The following MARK3 variants were observed in gnomAD, a reference collection of about 807,000 sequenced individuals.
MARK3 encodes microtubule affinity regulating kinase 3.
MARK3 carries 46 observed loss-of-function variants against 90.1 expected under a neutral mutation model. That is an observed-to-expected ratio of 0.51 (90% confidence interval 0.40 to 0.65). The LOEUF (loss-of-function observed/expected upper bound fraction) is 0.65, where lower values mean the gene tolerates loss of function less well. Among genes scored for constraint, MARK3 ranks in the 30% least tolerant of loss-of-function variants. The probability of loss-of-function intolerance (pLI) is 0.00; values close to 1 mark genes in which losing one functional copy is unlikely to be tolerated. For synonymous variants in MARK3, 321 were observed against 332.6 expected (o/e 0.97, Z 0.38); for missense variants, 818 against 947.2 (o/e 0.86, Z 1.79).
chr14:103,394,154 A>G (rs2090439384), intron 1 of MARK3, among the ~76,000 whole-genome samples: 1 of 152,244 alleles, frequency 6.6e-6, no homozygotes, highest in African/African-American at 2.4e-5. Flanking sequence ...TTAAAAAAGA[A>G]AAAGGAGTCA....
chr14:103,476,321 A>G (rs1171809246), intron 13 of MARK3, among the ~76,000 whole-genome samples: 2 of 152,204 alleles, frequency 1.3e-5, no homozygotes, highest in African/African-American at 4.8e-5. Flanking sequence ...CTGAGTCTTC[A>G]AAGAGCTCTA....
intron 13 of MARK3, among the ~76,000 whole-genome samples, chr14:103,479,553 T>A (rs149612468): frequency 1.5e-4 from 23 of 152,104 alleles, no homozygotes; most frequent in African/African-American, 5.5e-4. Context: ...TAGTACCTCA[T>A]GCTTTTGATT....
rs2089745122 is a variant in MARK3, at chr14:103,385,878, C to G, written c.-152C>G. 3 of 622,628 alleles carry G rather than the reference C, an allele frequency of 4.8e-6. No individual in the cohort carries two copies. The highest frequency in any genetic ancestry group is 5.6e-5 in the Admixed American group (2 of 35,990). The allele number at this position is 622,628 out of a possible 1,614,324, so 38.6% of individuals were successfully genotyped here. On this transcript the variant is annotated 5_prime_UTR_variant, in exon 1 of 18. Transcript: ENST00000429436. Reference sequence around the variant, plus strand: ...GCCGGGGGACGGCCCGGGCCAGGCCCGGGATCTAGACGGCCGTAGGGGGAA... The same window carrying G: ...GCCGGGGGACGGCCCGGGCCAGGCCGGGGATCTAGACGGCCGTAGGGGGAA...
intron 1 of MARK3, among the ~76,000 whole-genome samples, chr14:103,391,318 A>G (rs993945679): frequency 3.3e-5 from 5 of 152,188 alleles, no homozygotes; most frequent in African/African-American, 4.8e-5. Flanking sequence ...TCAGTGGCCA[A>G]TCTTATTTCA....
chr14:103,485,144 C>T (rs112700426), intron 14 of MARK3, among the ~76,000 whole-genome samples: 37,373 of 145,984 alleles, frequency 0.26, 6,038 homozygotes, highest in Middle Eastern at 0.44. Flanking sequence ...GCAGGAGAAT[C>T]GCTTGAACCC....
intron 2 of MARK3, among the ~76,000 whole-genome samples, chr14:103,406,263 G>A (rs1282469946): frequency 6.6e-6 from 1 of 151,824 alleles, no homozygotes. Flanking sequence ...TTGCCCTGTA[G>A]CCCAGGCCTG....
intron 3 of MARK3, among the ~76,000 whole-genome samples, chr14:103,442,369 CA>C (rs11397354): frequency 4.1e-5 from 6 of 145,322 alleles, no homozygotes; most frequent in Admixed American, 1.4e-4. Flanking sequence ...GACTCCGTCT[CA>C]AAAAAAAAAA....
At chr14:103,496,569 C>A (rs1369842725) in intron 15 of MARK3, among the ~76,000 whole-genome samples, 1 of 152,036 alleles carries the variant, frequency 6.6e-6, no homozygotes, top group Non-Finnish European at 1.5e-5. Context: ...CATGTCACCA[C>A]GCCCAGCTAA....
chr14:103,485,234 GA>G (rs370727686), intron 14 of MARK3, among the ~76,000 whole-genome samples: 60 of 79,998 alleles, frequency 7.5e-4, no homozygotes, highest in African/African-American at 1.3e-3. Flanking sequence ...CCATCTCAAA[GA>G]AAAAAAAAAA....
intron 5 of MARK3, among the ~76,000 whole-genome samples, chr14:103,452,671 C>T (rs1304910501): frequency 2.6e-5 from 4 of 151,404 alleles, no homozygotes; most frequent in African/African-American, 7.3e-5. Context: ...CGGGGTTTCA[C>T]CGTGTTAGCC....
At chr14:103,449,295 G>A (rs1371254674) in intron 4 of MARK3, among the ~76,000 whole-genome samples, 1 of 151,182 alleles carries the variant, frequency 6.6e-6, no homozygotes, top group African/African-American at 2.4e-5. Flanking sequence ...TTTCAAAGGG[G>A]CTGGGCACAG....
At chr14:103,433,173 C>A (rs144616487) in intron 3 of MARK3, among the ~76,000 whole-genome samples, 2 of 150,474 alleles carry the variant, frequency 1.3e-5, no homozygotes, top group Admixed American at 1.3e-4. Flanking sequence ...GCAACCTCTG[C>A]CTCCCGGGTT....
intron 14 of MARK3, among the ~76,000 whole-genome samples, chr14:103,485,055 T>C (rs1481976678): frequency 4.6e-5 from 2 of 43,236 alleles, no homozygotes; most frequent in Admixed American, 4.8e-4. Flanking sequence ...CCATCTCTAC[T>C]AAAAATACAA....
chr14:103,500,055 C>T lies in MARK3; in HGVS notation c.1872-101C>T, dbSNP rs761125377. 41 of 911,654 alleles carry T rather than the reference C, an allele frequency of 4.5e-5. No homozygotes were observed. The African/African-American group carries it at 4.8e-4, about 11-fold the overall frequency. 56.5% of individuals were successfully genotyped at this position (911,654 alleles called of 1,614,324 possible). A position where few individuals can be genotyped will look rare whatever the true frequency, so the allele number is the denominator to read the frequency against. ...GTTTAAAACGTGTTTTGGCTTTGTT[C>T]ATTTTATGGTGTTGGTGTTGGTATT... is the stretch of plus-strand genomic sequence containing the variant. On this transcript the variant is annotated intron_variant, in intron 16 of 17. Coordinates refer to ENST00000429436, the MANE Select transcript of MARK3 (RefSeq NM_001128918.3).
rs978154805 is a variant in MARK3 at position 103,423,719 on chromosome 14, A to G, written c.244-4668A>G. ...GGGGAGCTAGGAGGAAGAGGGGATTAGGAACTCCCGCTCAGGCTTCCTTGC... is the reference window on the plus strand; with the variant it reads ...GGGGAGCTAGGAGGAAGAGGGGATTGGGAACTCCCGCTCAGGCTTCCTTGC... On this transcript the variant is annotated intron_variant, in intron 2 of 17. Transcript: ENST00000429436. Among the ~76,000 whole-genome samples, 3 of 152,206 alleles carry G rather than the reference A, an allele frequency of 2.0e-5. No individual in the cohort carries two copies. The East Asian group carries it at 5.8e-4, about 29-fold the overall frequency.
At chr14:103,443,564 C>A (rs1024957135) in intron 3 of MARK3, among the ~76,000 whole-genome samples, 1 of 152,120 alleles carries the variant, frequency 6.6e-6, no homozygotes, top group Non-Finnish European at 1.5e-5. Flanking sequence ...GAGGCATTCT[C>A]AGGAAGAGCA....
In MARK3 at chr14:103,480,395, A is replaced by G; in HGVS notation, c.1491A>G (p.Thr497=). The G allele has an allele frequency of 6.2e-7, 1 of 1,608,724 alleles. No homozygotes were observed. The highest frequency in any genetic ancestry group is 8.5e-7 in the Non-Finnish European group (1 of 1,175,400). The stretch of plus-strand genomic sequence containing the variant: ...AATGCCCTTTTTTATAGAGTAACAC[A>G]GCATCTGGTGGAATGACACGACGAA... ...KKSSTVPSSN[T]ASGGMTRRNT... is the part of the protein sequence containing the mutation. The change falls in exon 14 of 18, where the codon ACA becomes ACG. Residue 497 remains threonine, a synonymous_variant. Coordinates refer to ENST00000429436, the MANE Select transcript of MARK3 (RefSeq NM_001128918.3).
chr14:103,394,999 T>G (rs894753851), intron 1 of MARK3, among the ~76,000 whole-genome samples: 1 of 152,112 alleles, frequency 6.6e-6, no homozygotes, highest in African/African-American at 2.4e-5. Flanking sequence ...AGGCTGGTCT[T>G]GAACTCCTGA....
Position 103,389,679 on chromosome 14 carries a change from C to T in MARK3, c.51+3599C>T, listed in dbSNP as rs528907302. 1.2e-3 allele frequency among the ~76,000 whole-genome samples: 183 copies of T among 152,032 alleles called. 1 individual carries two copies. The highest frequency in any genetic ancestry group is 4.3e-3 in the African/African-American group (179 of 41,448). On this transcript the variant is annotated intron_variant, in intron 1 of 17. Coordinates refer to ENST00000429436, the MANE Select transcript of MARK3 (RefSeq NM_001128918.3). The stretch of plus-strand genomic sequence containing the variant: ...TTACTGTTGGCCAGGTGCAGTGGCT[C>T]ACGCCTGTAATCCCAGCACTTTGGG...
Sources: gnomAD v4.1 joint callset for allele counts (sites outside exome capture counted in the v4.1 genomes callset) on GRCh38, gnomAD v4.1.1 for gene constraint, MANE v1.5 for transcripts, NCBI Gene and HGNC (gene_info 2026-07-23, HGNC 2026-07-21) for gene names.